Variants in ETFA observed in about 807,000 individuals in gnomAD.
ETFA encodes electron transfer flavoprotein subunit alpha, mitochondrial.
Under a neutral mutation model 46.2 loss-of-function variants are expected in ETFA, and 22 were observed. That is an observed-to-expected ratio of 0.48 (90% CI 0.34 to 0.68). ETFA has a LOEUF of 0.68. Ranked by LOEUF, ETFA falls within the 30% of genes least tolerant of loss-of-function variation. The probability of loss-of-function intolerance (pLI) is 0.01; values close to 1 mark genes in which losing one functional copy is unlikely to be tolerated. For synonymous variants in ETFA, 131 were observed against 139.9 expected, an observed-to-expected ratio of 0.94 and a Z score of 0.45; for missense variants, 345 against 401.1, an observed-to-expected ratio of 0.86 and a Z score of 1.19.
chr15:76,311,287 C>T, intron 1 of ETFA, 63 bp downstream of exon 1: 8 of 1,529,846 alleles, frequency 5.2e-6, no homozygotes, highest in Middle Eastern at 3.5e-4. Context: ...TTTGCAAGAC[C>T]CCATAGGGAC....
intron 9 of ETFA, chr15:76,260,621 C>G (rs557442714): frequency 6.5e-7 from 1 of 1,528,096 alleles, no homozygotes; most frequent in African/African-American, 1.4e-5. Flanking sequence ...TGTCTTAAAC[C>G]CAGGACAGTT....
intron 11 of ETFA, among the ~76,000 whole-genome samples, chr15:76,224,420 A>G (rs1185669233): frequency 6.6e-6 from 1 of 152,238 alleles, no homozygotes; most frequent in Non-Finnish European, 1.5e-5. Context: ...AGTATGCCCA[A>G]CACTGAGCCA....
At chr15:76,217,694 A>C (rs1339024067) in intron 11 of ETFA, 1 of 438,748 alleles carries the variant, frequency 2.3e-6, no homozygotes, top group Admixed American at 2.4e-5. Context: ...GGAATGTCAC[A>C]CAGATACTCT....
chr15:76,244,266 T>C (rs2039223072), intron 9 of ETFA, among the ~76,000 whole-genome samples: 1 of 152,214 alleles, frequency 6.6e-6, no homozygotes, highest in Admixed American at 6.5e-5. Context: ...TTAAGCACCT[T>C]CTAAAATTGT....
At position 76,292,698 on chromosome 15, in the gene ETFA, C is replaced by T. The variant is rs1179483198; in HGVS notation, c.189G>A (p.Val63=). 1 of 1,605,834 alleles carries T rather than the reference C, an allele frequency of 6.2e-7. No homozygotes were observed. The highest frequency in any genetic ancestry group is 8.5e-7 in the Non-Finnish European group (1 of 1,172,512). The change falls in exon 3 of 12, where the codon GTG becomes GTA. Residue 63 remains valine (V), a splice_region_variant and synonymous_variant. Coordinates refer to ENST00000557943, the MANE Select transcript of ETFA (RefSeq NM_000126.4). Reference sequence around the variant, plus strand: ...CTGCTACTTTACAGAGATCTTGTGCCACCTATGATTAAAAGATAAGTTCCT... The same window carrying T: ...CTGCTACTTTACAGAGATCTTGTGCTACCTATGATTAAAAGATAAGTTCCT... ...CLVAGTKCDK[V]AQDLCKVAGI...
intron 1 of ETFA, among the ~76,000 whole-genome samples, chr15:76,311,049 A>G (rs1268742644): frequency 6.6e-6 from 1 of 152,224 alleles, no homozygotes; most frequent in Non-Finnish European, 1.5e-5. Flanking sequence ...GCCCAGAGTG[A>G]CCGACAAAGG....
intron 10 of ETFA, 38 bp downstream of exon 10, chr15:76,231,295 G>A (rs767533503): frequency 1.5e-6 from 2 of 1,332,086 alleles, no homozygotes; most frequent in Non-Finnish European, 1.1e-6. Context: ...CCTAAAATGT[G>A]GAAACGTTTT....
intron 9 of ETFA, among the ~76,000 whole-genome samples, chr15:76,253,091 A>G (rs986003230): frequency 6.6e-6 from 1 of 152,070 alleles, no homozygotes; most frequent in Non-Finnish European, 1.5e-5. Context: ...ACTGCTTTTA[A>G]TTTTCAACTT....
At chr15:76,276,235 GGTGA>G (rs979571132) in intron 8 of ETFA, among the ~76,000 whole-genome samples, 9 of 151,824 alleles carry the variant, frequency 5.9e-5, no homozygotes, top group African/African-American at 2.2e-4. Flanking sequence ...ATCCTACATT[GGTGA>G]GTGTTTTCTC....
At chr15:76,268,413 G>C (rs758625789) in intron 9 of ETFA, among the ~76,000 whole-genome samples, 2 of 152,130 alleles carry the variant, frequency 1.3e-5, no homozygotes, top group Admixed American at 6.6e-5. Flanking sequence ...AAGACGGAAC[G>C]AGGACCAACC....
chr15:76,293,547 T>C (rs2039787999), intron 2 of ETFA, among the ~76,000 whole-genome samples: 1 of 152,240 alleles, frequency 6.6e-6, no homozygotes, highest in South Asian at 2.1e-4. Context: ...ATGATTCAGA[T>C]TTTCTATATT....
intron 1 of ETFA, among the ~76,000 whole-genome samples, chr15:76,309,521 T>G (rs372134240): frequency 6.6e-6 from 1 of 152,162 alleles, no homozygotes; most frequent in African/African-American, 2.4e-5. Context: ...TAAAAATAAG[T>G]CAAGGTCAAA....
At chr15:76,223,754 C>T (rs1470333635) in intron 11 of ETFA, among the ~76,000 whole-genome samples, 4 of 152,162 alleles carry the variant, frequency 2.6e-5, no homozygotes, top group Admixed American at 1.3e-4. Flanking sequence ...GAGAAACCTC[C>T]GTGTCCACAC....
At chr15:76,292,730 C>G in intron 2 of ETFA, 30 bp from the exon 3 acceptor site, 3 of 1,438,198 alleles carry the variant, frequency 2.1e-6, no homozygotes, top group Non-Finnish European at 2.9e-6. Context: ...TCCTAATTAT[C>G]CATCTATCAG....
chr15:76,300,985 C>G (rs771982578), intron 1 of ETFA, among the ~76,000 whole-genome samples: 1 of 152,188 alleles, frequency 6.6e-6, no homozygotes, highest in Non-Finnish European at 1.5e-5. Context: ...GGCTTTGGAG[C>G]CAGCCACGTT....
intron 1 of ETFA, among the ~76,000 whole-genome samples, chr15:76,310,972 C>T (rs546720965): frequency 6.6e-6 from 1 of 152,254 alleles, no homozygotes; most frequent in Admixed American, 6.5e-5. Flanking sequence ...CCCAACAGGG[C>T]ATTCCCCGGT....
At position 76,242,076 on chromosome 15, in the gene ETFA, C is replaced by T. The variant is rs377074359; in HGVS notation, c.817-10678G>A. Among the ~76,000 whole-genome samples the T allele has an allele frequency of 1.5e-4, 23 of 152,154 alleles. No individual in the cohort carries two copies. In the East Asian group the frequency reaches 2.3e-3, roughly 15 times the overall value. On this transcript the variant is annotated intron_variant, in intron 9 of 11. Coordinates refer to ENST00000557943, the MANE Select transcript of ETFA (RefSeq NM_000126.4). ...GGTCTCGATCTCTTGACCTCGGGAT[C>T]CCCCCGCCTTGGCCTCCCAAAGTGC...
chr15:76,219,300 C>A (rs1466558321), intron 11 of ETFA, among the ~76,000 whole-genome samples: 1 of 152,120 alleles, frequency 6.6e-6, no homozygotes, highest in African/African-American at 2.4e-5. Flanking sequence ...TGGACTCCTA[C>A]CTCACACCAT....
At chr15:76,259,428 G>A in intron 9 of ETFA, 2 of 1,104,008 alleles carry the variant, frequency 1.8e-6, no homozygotes, top group Non-Finnish European at 2.8e-6. Flanking sequence ...GAGTGGGAGT[G>A]TAAGAACGTC....
Sources: gnomAD v4.1 joint callset for allele counts (sites outside exome capture counted in the v4.1 genomes callset) on GRCh38, gnomAD v4.1.1 for gene constraint, MANE v1.5 for transcripts, NCBI Gene and HGNC (gene_info 2026-07-23, HGNC 2026-07-21) for gene names.